Variants in RNF19B observed in about 807,000 individuals in gnomAD.
RNF19B encodes ring finger protein 19B, also known as E3 ubiquitin-protein ligase RNF19B.
Under a neutral mutation model 65.5 loss-of-function variants are expected in RNF19B, and 23 were observed. The ratio of observed to expected loss-of-function variants is 0.35; its 90% CI spans 0.25 to 0.50. The LOEUF (loss-of-function observed/expected upper bound fraction) is 0.50, where lower values mean the gene tolerates loss of function less well. Among genes scored for constraint, RNF19B ranks in the 20% least tolerant of loss-of-function variants. RNF19B has a pLI of 0.98. For synonymous variants in RNF19B, 372 were observed against 379.6 expected, an observed-to-expected ratio of 0.98 and a Z score of 0.23; for missense variants, 794 against 980.0, an observed-to-expected ratio of 0.81 and a Z score of 2.53.
chr1:32,933,281 G>A (rs971718900), downstream of RNF19B, among the ~76,000 whole-genome samples: 10 of 151,086 alleles, frequency 6.6e-5, no homozygotes, highest in Admixed American at 4.6e-4. Flanking sequence ...GTGAGACGGA[G>A]TCTCGCTCTG....
rs889172515 is a variant in RNF19B at position 32,936,460 on chromosome 1, C to T, written c.*346G>A. The T allele has an allele frequency of 3.5e-5, 6 of 173,586 alleles. No individual in the cohort carries two copies. Among genetic ancestry groups the T allele is most frequent in the African/African-American group, 1.4e-4 (6 of 42,358 alleles). The allele number at this position is 173,586 out of a possible 1,614,324, so 10.8% of individuals were successfully genotyped here. ...GAAAATGAGGTAAGTTGAATTATGA[C>T]AGAAATCTTTATTAAAATGTGTCTT... is the stretch of plus-strand genomic sequence containing the variant. On this transcript the variant is annotated 3_prime_UTR_variant, in exon 9 of 9. Coordinates refer to ENST00000235150, the MANE Select transcript of RNF19B (RefSeq NM_001300826.2).
At position 32,936,891 on chromosome 1, in the gene RNF19B, G is replaced by A. The variant is rs775317758; in HGVS notation, c.2111C>T (p.Pro704Leu). Residue 704 changes from proline to leucine, a missense_variant, in exon 9 of 9, where the codon CCG (proline) becomes CTG (leucine). Physicochemically the swap from Pro to Leu is moderately conservative, Grantham distance 98 (BLOSUM62 -3). Transcript: ENST00000235150. ...CPSTPRAQGAPSPSAHMNLSA... is the reference protein window; with the variant it reads ...CPSTPRAQGALSPSAHMNLSA... ...GAGGTTCATATGGGCACTTGGGCTC[G>A]GTGCACCTTGGGCTCTGGGGGTCGA... The A allele has an allele frequency of 1.4e-5, 23 of 1,613,552 alleles. No individual in the cohort carries two copies. In the Admixed American group the frequency reaches 2.5e-4, roughly 18 times the overall value.
At chr1:32,937,606 G>C (rs1374879693) in intron 8 of RNF19B, among the ~76,000 whole-genome samples, 1 of 152,046 alleles carries the variant, frequency 6.6e-6, no homozygotes, top group Non-Finnish European at 1.5e-5. Context: ...CTACTCGGGA[G>C]GCTGAGATGG....
chr1:32,964,720 C>T lies in RNF19B; in HGVS notation c.-35G>A. On this transcript the variant is annotated 5_prime_UTR_variant, in exon 1 of 9. Coordinates refer to ENST00000235150, the MANE Select transcript of RNF19B (RefSeq NM_001300826.2). The surrounding 1 kb of genome is among the most constrained non-coding windows in gnomAD (Gnocchi z 6.5). ...AGGCCGAGGAGCCAGGGGCGCCCAG[C>T]GCCGCCACAGCTCCCGCCTCAGCGC... 1.4e-6 allele frequency: 2 copies of T among 1,387,572 alleles called. No homozygotes were observed. The highest frequency in any genetic ancestry group is 1.9e-6 in the Non-Finnish European group (2 of 1,074,584). The allele number at this position is 1,387,572 out of a possible 1,614,324, so 86.0% of individuals were successfully genotyped here.
Position 32,964,494 on chromosome 1 carries a change from C to T in RNF19B, c.192G>A (p.Pro64=). The T allele has an allele frequency of 1.1e-6, 1 of 943,528 alleles. No homozygotes were observed. The highest frequency in any genetic ancestry group is 1.3e-6 in the Non-Finnish European group (1 of 797,882). 58.4% of individuals were successfully genotyped at this position (943,528 alleles called of 1,614,324 possible). A position where few individuals can be genotyped will look rare whatever the true frequency, so the allele number is the denominator to read the frequency against. Reference sequence around the variant, plus strand: ...GGGCCGCGGCAGGGGCCGGGGCGGGCGGCGGCTGCGCAGCCGGGGGCGGCG... The same window carrying T: ...GGGCCGCGGCAGGGGCCGGGGCGGGTGGCGGCTGCGCAGCCGGGGGCGGCG... ...AEPPPPAAQP[P]PAPAPAAAQG... Residue 64 remains proline, a synonymous_variant, in exon 1 of 9, where the codon CCG becomes CCA. Coordinates refer to ENST00000235150, the MANE Select transcript of RNF19B (RefSeq NM_001300826.2). The surrounding 1 kb of genome is among the most constrained non-coding windows in gnomAD (Gnocchi z 6.5).
intron 7 of RNF19B, among the ~76,000 whole-genome samples, chr1:32,941,924 C>T (rs1642243731): frequency 6.6e-6 from 1 of 152,046 alleles, no homozygotes; most frequent in African/African-American, 2.4e-5. Context: ...GGTGAAACTC[C>T]ATCTCTACTA....
At chr1:32,932,745 A>G (rs561557468), downstream of RNF19B, among the ~76,000 whole-genome samples, 1 of 152,284 alleles carries the variant, frequency 6.6e-6, no homozygotes, top group East Asian at 1.9e-4. Flanking sequence ...CCTTGTCTTC[A>G]GAGTTGTTTG....
At chr1:32,947,045 T>C (rs1642382025) in intron 3 of RNF19B, among the ~76,000 whole-genome samples, 1 of 152,224 alleles carries the variant, frequency 6.6e-6, no homozygotes, top group African/African-American at 2.4e-5. Flanking sequence ...ATAACCTTTC[T>C]ATCAGTTTGG....
chr1:32,958,365 C>A (rs962499856), intron 1 of RNF19B, among the ~76,000 whole-genome samples: 10 of 152,088 alleles, frequency 6.6e-5, no homozygotes, highest in Non-Finnish European at 1.3e-4. Flanking sequence ...CAAGTAATGC[C>A]TATAACATAC....
chr1:32,945,973 C>T (rs1015121090), intron 4 of RNF19B, among the ~76,000 whole-genome samples: 4 of 152,032 alleles, frequency 2.6e-5, no homozygotes, highest in Non-Finnish European at 4.4e-5. Context: ...AAGCAATCCT[C>T]CCACCTCAGC....
chr1:32,937,810 G>A (rs1220664284), intron 8 of RNF19B, among the ~76,000 whole-genome samples: 3 of 152,102 alleles, frequency 2.0e-5, no homozygotes, highest in South Asian at 4.1e-4. Context: ...GCACACACAC[G>A]TGTATCTCAG....
Position 32,963,607 on chromosome 1 carries a change from A to G in RNF19B, c.635+444T>C, listed in dbSNP as rs1407881693. 2.0e-5 allele frequency among the ~76,000 whole-genome samples: 3 copies of G among 150,618 alleles called. No homozygotes were observed. The East Asian group carries it at 5.9e-4, about 29-fold the overall frequency. ...GTGGCGGGCGCCTGTAATCCCAGCT[A>G]CTCGGGAGGCTGAGGCAGGAGAATC... is the stretch of plus-strand genomic sequence containing the variant. On this transcript the variant is annotated intron_variant, in intron 1 of 8. Coordinates refer to ENST00000235150, the MANE Select transcript of RNF19B (RefSeq NM_001300826.2).
At chr1:32,961,677 ATTC>A (rs1040865491) in intron 1 of RNF19B, among the ~76,000 whole-genome samples, 1 of 152,084 alleles carries the variant, frequency 6.6e-6, no homozygotes, top group Admixed American at 6.6e-5. Flanking sequence ...TATGATTATC[ATTC>A]TTCTAACTAA....
At chr1:32,961,350 C>T (rs2124191754) in intron 1 of RNF19B, among the ~76,000 whole-genome samples, 1 of 152,248 alleles carries the variant, frequency 6.6e-6, no homozygotes, top group Non-Finnish European at 1.5e-5. Context: ...TGTTGACAAG[C>T]AAATGCTTTT....
At chr1:32,947,036 T>C (rs1477325914) in intron 3 of RNF19B, among the ~76,000 whole-genome samples, 1 of 152,234 alleles carries the variant, frequency 6.6e-6, no homozygotes, top group Admixed American at 6.5e-5. Flanking sequence ...GACCTCATCA[T>C]AACCTTTCTA....
chr1:32,963,979 G>C (rs1425612109), intron 1 of RNF19B, 72 bp downstream of exon 1: 1 of 1,367,624 alleles, frequency 7.3e-7, no homozygotes. Flanking sequence ...CACCCACGCG[G>C]GGTCCCTGCT....
At chr1:32,963,212 G>A (rs750792046) in intron 1 of RNF19B, among the ~76,000 whole-genome samples, 2 of 152,120 alleles carry the variant, frequency 1.3e-5, no homozygotes, top group African/African-American at 4.8e-5. Context: ...GCGTGGCACA[G>A]AACACATAGT....
chr1:32,938,253 G>A, intron 8 of RNF19B, 144 bp downstream of exon 8: 1 of 750,082 alleles, frequency 1.3e-6, no homozygotes. Context: ...CAAGTACCAA[G>A]AACTTGCTCA....
intron 2 of RNF19B, among the ~76,000 whole-genome samples, 168 bp downstream of exon 2, chr1:32,949,401 G>A (rs1642437323): frequency 6.6e-6 from 1 of 152,190 alleles, no homozygotes; most frequent in Admixed American, 6.5e-5. Flanking sequence ...AATGGTCAGA[G>A]AGGGAAGTGC....
Sources: gnomAD v4.1 joint callset for allele counts (sites outside exome capture counted in the v4.1 genomes callset) on GRCh38, gnomAD v4.1.1 for gene constraint, Gnocchi (gnomAD v3.1) non-coding constraint, MANE v1.5 for transcripts, NCBI Gene and HGNC (gene_info 2026-07-23, HGNC 2026-07-21) for gene names.